The following GRB2 variants were observed in gnomAD, a reference collection of about 807,000 sequenced individuals.
GRB2 encodes growth factor receptor-bound protein 2.
GRB2 carries 2 observed loss-of-function variants against 27.4 expected under a neutral mutation model. The ratio of observed to expected loss-of-function variants is 0.07; its 90% CI spans 0.03 to 0.23. The LOEUF is 0.23. GRB2 is among the 10% of genes least tolerant of loss of function. The pLI is 1.00. For synonymous variants in GRB2, 94 were observed against 99.6 expected, an observed-to-expected ratio of 0.94 and a Z score of 0.33; for missense variants, 102 against 282.4, an observed-to-expected ratio of 0.36 and a Z score of 4.58.
chr17:75,339,456 A>C (rs1306605776), intron 2 of GRB2, among the ~76,000 whole-genome samples: 1 of 150,974 alleles, frequency 6.6e-6, no homozygotes, highest in Admixed American at 6.6e-5. Flanking sequence ...GCCTCCCAAG[A>C]GTTTATGTTT....
At chr17:75,354,434 T>C (rs901891479) in intron 2 of GRB2, among the ~76,000 whole-genome samples, 1 of 152,196 alleles carries the variant, frequency 6.6e-6, no homozygotes, top group Non-Finnish European at 1.5e-5. Flanking sequence ...GGCTAATTTT[T>C]CTATTTTTAG....
At chr17:75,325,820 C>A in intron 4 of GRB2, 78 bp downstream of exon 4, 3 of 1,445,578 alleles carry the variant, frequency 2.1e-6, no homozygotes, top group Non-Finnish European at 2.9e-6. Context: ...TGTGTGTAGC[C>A]AGGCACCTGA....
At chr17:75,327,055 C>T (rs2078502976) in intron 3 of GRB2, among the ~76,000 whole-genome samples, 1 of 149,978 alleles carries the variant, frequency 6.7e-6, no homozygotes, top group Admixed American at 6.8e-5. Context: ...AGTTGTAAAT[C>T]TAACTTACAT....
chr17:75,346,631 GGA>G (rs553415705), intron 2 of GRB2, among the ~76,000 whole-genome samples: 127 of 125,664 alleles, frequency 1.0e-3, no homozygotes, highest in Middle Eastern at 6.6e-3. Context: ...TGCACAGGCA[GGA>G]GTGCAGTGGT....
At chr17:75,354,264 T>TTG (rs1555610715) in intron 2 of GRB2, among the ~76,000 whole-genome samples, 914 of 38,184 alleles carry the variant, frequency 0.024, 98 homozygotes, top group South Asian at 0.074. Flanking sequence ...TCTTTTTTTT[T>TTG]GGGGGGGGGG....
At chr17:75,344,209 C>T (rs530613452) in intron 2 of GRB2, among the ~76,000 whole-genome samples, 3 of 152,200 alleles carry the variant, frequency 2.0e-5, no homozygotes, top group Non-Finnish European at 4.4e-5. Context: ...ATCTTTAGCT[C>T]TGCTTAGTCT....
intron 2 of GRB2, among the ~76,000 whole-genome samples, chr17:75,392,995 T>C (rs2079008042): frequency 6.6e-6 from 1 of 152,226 alleles, no homozygotes; most frequent in African/African-American, 2.4e-5. Flanking sequence ...GGTTGCACCT[T>C]ATTATTTAGA....
chr17:75,379,559 T>C (rs2145861727), intron 2 of GRB2, among the ~76,000 whole-genome samples: 1 of 152,116 alleles, frequency 6.6e-6, no homozygotes, highest in South Asian at 2.1e-4. Flanking sequence ...CCACCACACC[T>C]GGTTAATTTT....
intron 2 of GRB2, among the ~76,000 whole-genome samples, chr17:75,370,792 C>G (rs6501783): frequency 4.5e-3 from 690 of 152,308 alleles, no homozygotes; most frequent in African/African-American, 0.016. Context: ...TTCCTTCAAA[C>G]TCTCCCTGTG....
chr17:75,325,960 G>T lies in GRB2; in HGVS notation c.237C>A (p.His79Gln), dbSNP rs2229610. 4 of 1,614,020 alleles carry T rather than the reference G, an allele frequency of 2.5e-6. No homozygotes were observed. The highest frequency in any genetic ancestry group is 2.5e-6 in the Non-Finnish European group (3 of 1,179,972). ...KAEEMLSKQRHDGAFLIRESE... is the reference protein window; with the variant it reads ...KAEEMLSKQRQDGAFLIRESE... ...TCTCTCGGATAAGAAAGGCCCCATC[G>T]TGCCGCTGTTTGCTAAGCATTTCTT... Residue 79 changes from histidine to glutamine, a missense_variant, in exon 4 of 6, where the codon CAC (histidine) becomes CAA (glutamine). His to Gln is a conservative substitution (Grantham distance 24). Around this residue, in one of 3 missense-constraint regions of GRB2, gnomAD observed 45 missense variants for 110.6 expected, o/e 0.41. Coordinates refer to ENST00000316804, the MANE Select transcript of GRB2 (RefSeq NM_002086.5).
At chr17:75,343,063 A>AAAAAAAAAAAAAAAAAG (rs1567861729) in intron 2 of GRB2, among the ~76,000 whole-genome samples, 1 of 141,136 alleles carries the variant, frequency 7.1e-6, no homozygotes, top group Admixed American at 7.0e-5. Flanking sequence ...AAAAAAAAAA[A>AAAAAAAAAAAAAAAAAG]GGTATAAGAT....
At position 75,326,011 on chromosome 17, in the gene GRB2, A is replaced by C. The variant is rs746624401; in HGVS notation, c.186T>G (p.Phe62Leu). 1 of 1,614,006 alleles carries C rather than the reference A, an allele frequency of 6.2e-7. No homozygotes were observed. The highest frequency in any genetic ancestry group is 1.3e-5 in the African/African-American group (1 of 75,036). ...CTGCCTTGGCTCTGGGGATTTTGCCAAAAAACCACCTAAGGAAGGAAGGCA... is the reference window on the plus strand; with the variant it reads ...CTGCCTTGGCTCTGGGGATTTTGCCCAAAAACCACCTAAGGAAGGAAGGCA... ...YIEMKPHPWFFGKIPRAKAEE... is the reference protein window; with the variant it reads ...YIEMKPHPWFLGKIPRAKAEE... The change falls in exon 4 of 6, where the codon TTT becomes TTG. Residue 62 changes from phenylalanine (F) to leucine (L), a missense_variant. Physicochemically the swap from Phe to Leu is conservative, Grantham distance 22. This residue lies in a region of GRB2 where 45 missense variants were observed against 110.6 expected (regional missense o/e 0.41). Transcript: ENST00000316804.
chr17:75,398,904 T>C (rs1347788015), intron 1 of GRB2, among the ~76,000 whole-genome samples: 18 of 151,534 alleles, frequency 1.2e-4, no homozygotes, highest in Admixed American at 1.2e-3. Context: ...CCTGTAACCA[T>C]GACCAGCTGA....
chr17:75,369,690 C>CA (rs35811117), intron 2 of GRB2, among the ~76,000 whole-genome samples: 12,022 of 120,628 alleles, frequency 0.1, 693 homozygotes, highest in Non-Finnish European at 0.12. Context: ...CCGTCTCCAC[C>CA]AAAAAAAAAA....
chr17:75,380,649 T>C (rs987756333), intron 2 of GRB2, among the ~76,000 whole-genome samples: 1 of 152,234 alleles, frequency 6.6e-6, no homozygotes, highest in Admixed American at 6.5e-5. Flanking sequence ...CTAGAAAATA[T>C]TCATTTAGCT....
Position 75,386,266 on chromosome 17 carries a change from A to G in GRB2, c.78+7285T>C, listed in dbSNP as rs138021821. On this transcript the variant is annotated intron_variant, in intron 2 of 5. Transcript: ENST00000316804. ...CCTGAGTAGCTGGGACTAGAGGCAC[A>G]CACCACCACGCCCAGCTAATTTGTG... is the stretch of plus-strand genomic sequence containing the variant. Among the ~76,000 whole-genome samples the G allele has an allele frequency of 7.6e-3, 1,153 of 152,164 alleles. 8 individuals carry two copies. Among genetic ancestry groups the G allele is most frequent in the African/African-American group, 0.026 (1,072 of 41,516 alleles).
At chr17:75,402,559 G>A (rs1337453564) in intron 1 of GRB2, among the ~76,000 whole-genome samples, 3 of 152,132 alleles carry the variant, frequency 2.0e-5, no homozygotes, top group Non-Finnish European at 4.4e-5. Context: ...GGTAACAACA[G>A]TTTTGATCCT....
intron 2 of GRB2, among the ~76,000 whole-genome samples, chr17:75,335,639 CA>C (rs1296263671): frequency 1.3e-5 from 2 of 152,174 alleles, no homozygotes. Flanking sequence ...AGGTGCCAGA[CA>C]CTGGGTTTCA....
chr17:75,375,681 A>G (rs2078887891), intron 2 of GRB2, among the ~76,000 whole-genome samples: 1 of 152,144 alleles, frequency 6.6e-6, no homozygotes, highest in African/African-American at 2.4e-5. Flanking sequence ...TAGGAGTTTG[A>G]GACCATCTTG....
Sources: gnomAD v4.1 joint callset for allele counts (sites outside exome capture counted in the v4.1 genomes callset) on GRCh38, gnomAD v4.1.1 for gene constraint, gnomAD v4.1.1 regional missense constraint, MANE v1.5 for transcripts, NCBI Gene and HGNC (gene_info 2026-07-23, HGNC 2026-07-21) for gene names.